ASAP1: variants seen among roughly 807,000 people sequenced by gnomAD.
ASAP1 encodes the protein arf-GAP with SH3 domain, ANK repeat and PH domain-containing protein 1.
ASAP1 carries 43 observed loss-of-function variants against 145.2 expected under a neutral mutation model. The ratio of observed to expected loss-of-function variants is 0.30; its 90% CI spans 0.23 to 0.38. The LOEUF is 0.38. ASAP1 is among the 10% of genes least tolerant of loss of function. The pLI is 1.00. For synonymous variants in ASAP1, 546 were observed against 515.5 expected (o/e 1.06, Z -0.80); for missense variants, 1,018 against 1,355.3 (o/e 0.75, Z 3.91).
At chr8:130,065,020 CTG>C (rs907679214) in intron 27 of ASAP1, among the ~76,000 whole-genome samples, 5 of 151,796 alleles carry the variant, frequency 3.3e-5, no homozygotes, top group African/African-American at 1.2e-4. Context: ...GACTACAGGC[CTG>C]TGTCACCATG....
intron 13 of ASAP1, among the ~76,000 whole-genome samples, chr8:130,141,533 C>T (rs1343042407): frequency 1.3e-5 from 2 of 152,086 alleles, no homozygotes; most frequent in South Asian, 4.1e-4. Context: ...TCCTTATTTG[C>T]TTCCTGTCTT....
At chr8:130,111,320 T>C (rs1469376058) in intron 24 of ASAP1, among the ~76,000 whole-genome samples, 1 of 148,664 alleles carries the variant, frequency 6.7e-6, no homozygotes, top group Non-Finnish European at 1.5e-5. Flanking sequence ...GCCCCGGAGA[T>C]GGAGGCGACT....
At chr8:130,131,759 C>T (rs2097583478) in intron 15 of ASAP1, among the ~76,000 whole-genome samples, 1 of 152,196 alleles carries the variant, frequency 6.6e-6, no homozygotes, top group Non-Finnish European at 1.5e-5. Flanking sequence ...AATCACGCCA[C>T]TGCACTCCAG....
intron 3 of ASAP1, among the ~76,000 whole-genome samples, chr8:130,325,247 C>T (rs77194086): frequency 0.017 from 2,513 of 152,242 alleles, 69 homozygotes; most frequent in African/African-American, 0.056. Context: ...GAGAGCTGAA[C>T]AAATTGGAGA....
rs377029718 is a variant in ASAP1, at chr8:130,214,696, C to T, written c.265G>A (p.Val89Ile). Residue 89 changes from valine (V) to isoleucine (I), a missense_variant, in exon 5 of 30, where the codon GTA (valine) becomes ATA (isoleucine). Physicochemically the swap from Val to Ile is conservative, Grantham distance 29. Around this residue, in one of 9 missense-constraint regions of ASAP1, gnomAD observed 106 missense variants for 134.5 expected, o/e 0.79. Coordinates refer to ENST00000518721, the MANE Select transcript of ASAP1 (RefSeq NM_018482.4). ...KAIYNSGQDH[V>I]QNEENYAQVL... is the part of the protein sequence containing the mutation. ...TGTGCATAGTTTTCTTCATTTTGTA[C>T]ATGATCTAAAAACAAAAAAGAAGAA... is the stretch of plus-strand genomic sequence containing the variant. 1.3e-6 allele frequency: 2 copies of T among 1,584,454 alleles called. No homozygotes were observed. The highest frequency in any genetic ancestry group is 1.4e-5 in the African/African-American group (1 of 72,900).
chr8:130,092,160 A>G lies in ASAP1; in HGVS notation c.2402-17T>C. 1.3e-6 allele frequency: 2 copies of G among 1,565,124 alleles called. No individual in the cohort carries two copies. The highest frequency in any genetic ancestry group is 2.1e-5 in the Admixed American group (1 of 47,424). On this transcript the variant is annotated splice_polypyrimidine_tract_variant and intron_variant, in intron 24 of 29. Coordinates refer to ENST00000518721, the MANE Select transcript of ASAP1 (RefSeq NM_018482.4). Reference sequence around the variant, plus strand: ...CAGTTGGACCTAGAAAGGAAATTGAATGGGGGCAGGAAGATTAATCCCAGT... The same window carrying G: ...CAGTTGGACCTAGAAAGGAAATTGAGTGGGGGCAGGAAGATTAATCCCAGT...
rs1004474011 is a variant in ASAP1, at chr8:130,103,597, G to A, written c.2401+8497C>T. On this transcript the variant is annotated intron_variant, in intron 24 of 29. Transcript: ENST00000518721. ...CGGCTCACTACAACCTCTGCCTCCC[G>A]GGTTCAAGTGATTTTCTGCCTCAGC... is the stretch of plus-strand genomic sequence containing the variant. 6.6e-5 allele frequency among the ~76,000 whole-genome samples: 10 copies of A among 152,158 alleles called. No homozygotes were observed. The East Asian group carries it at 7.7e-4, about 12-fold the overall frequency.
At position 130,112,245 on chromosome 8, in the gene ASAP1, C is replaced by A; in HGVS notation, c.2250G>T (p.Lys750Asn). The change falls in exon 24 of 30, where the codon AAG (lysine) becomes AAT (asparagine). Residue 750 changes from lysine (K) to asparagine (N), a missense_variant. Physicochemically the swap from Lys to Asn is moderately conservative, Grantham distance 94. Around this residue, in one of 9 missense-constraint regions of ASAP1, gnomAD observed 353 missense variants for 375.4 expected, o/e 0.94. Coordinates refer to ENST00000518721, the MANE Select transcript of ASAP1 (RefSeq NM_018482.4). ...CHSSSISPQD[K>N]LALPGFSTPR... ...GAGTGCTGAATCCTGGCAGTGCCAGCTTGTCCTGGGGGGAGATGCTGGAGG... is the reference window on the plus strand; with the variant it reads ...GAGTGCTGAATCCTGGCAGTGCCAGATTGTCCTGGGGGGAGATGCTGGAGG... 6.2e-7 allele frequency: 1 copy of A among 1,614,200 alleles called. No homozygotes were observed. The highest frequency in any genetic ancestry group is 8.5e-7 in the Non-Finnish European group (1 of 1,180,034).
At chr8:130,412,592 A>G (rs921027010) in intron 1 of ASAP1, among the ~76,000 whole-genome samples, 1 of 152,086 alleles carries the variant, frequency 6.6e-6, no homozygotes, top group Non-Finnish European at 1.5e-5. Flanking sequence ...ATATTTCTTT[A>G]TAACAATGCA....
chr8:130,260,533 A>G (rs1819829808), intron 3 of ASAP1, among the ~76,000 whole-genome samples: 1 of 152,232 alleles, frequency 6.6e-6, no homozygotes, highest in Admixed American at 6.5e-5. Context: ...GCCTAAGTTC[A>G]CATAACTTGG....
intron 11 of ASAP1, among the ~76,000 whole-genome samples, chr8:130,160,574 C>G (rs1252058749): frequency 6.6e-6 from 1 of 151,888 alleles, no homozygotes; most frequent in Non-Finnish European, 1.5e-5. Flanking sequence ...TGACAAGGGC[C>G]AAACCAACAA....
At chr8:130,156,983 A>G (rs1365893678) in intron 12 of ASAP1, among the ~76,000 whole-genome samples, 1 of 152,208 alleles carries the variant, frequency 6.6e-6, no homozygotes, top group Non-Finnish European at 1.5e-5. Flanking sequence ...TTAAAAAATG[A>G]CTTTTATACT....
chr8:130,080,102 G>T, intron 25 of ASAP1, 131 bp from the exon 26 acceptor site: 1 of 778,224 alleles, frequency 1.3e-6, no homozygotes, highest in South Asian at 1.6e-5. Context: ...AGCCAAAACG[G>T]CATGCATTTC....
At chr8:130,091,737 T>A (rs1463558760) in intron 25 of ASAP1, among the ~76,000 whole-genome samples, 1 of 152,228 alleles carries the variant, frequency 6.6e-6, no homozygotes, top group Non-Finnish European at 1.5e-5. Context: ...CTATTATAAT[T>A]GAGTAAGATT....
chr8:130,285,841 C>G (rs1489482296), intron 3 of ASAP1, among the ~76,000 whole-genome samples: 1 of 152,138 alleles, frequency 6.6e-6, no homozygotes, highest in Non-Finnish European at 1.5e-5. Context: ...ACGTTCTGTT[C>G]CTGCTGAGCG....
intron 20 of ASAP1, among the ~76,000 whole-genome samples, chr8:130,117,848 G>C (rs2097558893): frequency 6.6e-6 from 1 of 152,202 alleles, no homozygotes; most frequent in Non-Finnish European, 1.5e-5. Flanking sequence ...TAAAGGCCAA[G>C]AGATGGCAAA....
chr8:130,202,671 T>TC, intron 5 of ASAP1, among the ~76,000 whole-genome samples: 1 of 152,348 alleles, frequency 6.6e-6, no homozygotes, highest in Non-Finnish European at 1.5e-5. Flanking sequence ...AAAGGGTACC[T>TC]CCTCTGTAAA....
At chr8:130,058,188 T>G (rs976846892) in intron 28 of ASAP1, 112 bp from the exon 29 acceptor site, 14 of 1,181,470 alleles carry the variant, frequency 1.2e-5, no homozygotes, top group Non-Finnish European at 1.6e-5. Flanking sequence ...TCGCTGAGCC[T>G]TGATTTCCTC....
chr8:130,160,035 T>C (rs1185029896), intron 11 of ASAP1, 71 bp from the exon 12 acceptor site: 15 of 1,327,930 alleles, frequency 1.1e-5, no homozygotes, highest in Non-Finnish European at 1.3e-5. Context: ...TATTCTGCCA[T>C]TGAGCCTTTG....
Sources: allele counts gnomAD v4.1 joint callset (sites outside exome capture counted in the v4.1 genomes callset), GRCh38; gene constraint gnomAD v4.1.1; regional missense constraint gnomAD v4.1.1; transcripts MANE v1.5; gene names NCBI Gene and HGNC (gene_info 2026-07-23, HGNC 2026-07-21).